Variants in RASSF8 observed in about 807,000 individuals in gnomAD.
RASSF8 encodes the protein ras association domain-containing protein 8.
A neutral mutation model predicts 48.5 loss-of-function variants in RASSF8; 22 were observed. The observed-to-expected ratio is 0.45, with a 90% CI of 0.32 to 0.65. The LOEUF (loss-of-function observed/expected upper bound fraction) is 0.65. RASSF8 is among the 30% of genes least tolerant of loss of function. The probability of loss-of-function intolerance (pLI) is 0.03; values close to 1 mark genes in which losing one functional copy is unlikely to be tolerated. For synonymous variants in RASSF8, 127 were observed against 171.5 expected (o/e 0.74, Z 2.03); for missense variants, 418 against 489.2 (o/e 0.85, Z 1.37).
intron 1 of RASSF8, among the ~76,000 whole-genome samples, chr12:25,981,051 C>T (rs892245365): frequency 1.3e-5 from 2 of 152,074 alleles, no homozygotes; most frequent in Admixed American, 1.3e-4. Flanking sequence ...AGTGTATGAT[C>T]AGGGTCGGAT....
In RASSF8 at chr12:26,055,307, C is replaced by T; in HGVS notation, c.-37C>T. The T allele has an allele frequency of 6.6e-7, 1 of 1,522,730 alleles. No homozygotes were observed. The highest frequency in any genetic ancestry group is 9.1e-7 in the Non-Finnish European group (1 of 1,096,760). 94.3% of individuals were successfully genotyped at this position (1,522,730 alleles called of 1,614,324 possible). On this transcript the variant is annotated 5_prime_UTR_variant, in exon 3 of 6. Transcript: ENST00000689635. ...GAGACATGACCTAACACCCTGATGA[C>T]CACTCTCAGGGACCTTGAGTGACTG... is the stretch of plus-strand genomic sequence containing the variant.
rs1230539060 is a variant in RASSF8, at chr12:26,068,809, A to G, written c.1251A>G (p.Ile417Met). The G allele has an allele frequency of 1.3e-6, 2 of 1,537,050 alleles. No individual in the cohort carries two copies. The highest frequency in any genetic ancestry group is 8.7e-7 in the Non-Finnish European group (1 of 1,146,744). ...CATCTGGTTTTAATCCTGAAGGCAT[A>G]TATGTATGACATTATCTGTCTTTAG... ...PISSGFNPEG[I>M]YV The change falls in exon 6 of 6, where the codon ATA becomes ATG. Residue 417 changes from isoleucine (I) to methionine (M), a missense_variant. Transcript: ENST00000689635.
At chr12:26,025,275 G>A (rs929827978) in intron 2 of RASSF8, among the ~76,000 whole-genome samples, 9 of 151,834 alleles carry the variant, frequency 5.9e-5, no homozygotes, top group African/African-American at 2.2e-4. Flanking sequence ...GAGGCATTCA[G>A]GGCCAGGCGT....
At chr12:26,048,411 AG>A (rs1338518368) in intron 2 of RASSF8, among the ~76,000 whole-genome samples, 1 of 152,060 alleles carries the variant, frequency 6.6e-6, no homozygotes, top group African/African-American at 2.4e-5. Flanking sequence ...GGTAGAGAGG[AG>A]GGGGAAAAAA....
At chr12:25,966,019 A>G (rs1941351968) in intron 1 of RASSF8, among the ~76,000 whole-genome samples, 1 of 152,212 alleles carries the variant, frequency 6.6e-6, no homozygotes, top group Non-Finnish European at 1.5e-5. Context: ...TTGTATAGAC[A>G]TATACTTTCA....
intron 1 of RASSF8, among the ~76,000 whole-genome samples, chr12:25,984,428 T>C (rs1453956904): frequency 1.3e-5 from 2 of 151,918 alleles, no homozygotes; most frequent in Non-Finnish European, 2.9e-5. Context: ...CTGCAACCTC[T>C]TCCTCCCCGG....
At chr12:26,012,472 T>A (rs1942549544) in intron 2 of RASSF8, among the ~76,000 whole-genome samples, 1 of 152,196 alleles carries the variant, frequency 6.6e-6, no homozygotes, top group Non-Finnish European at 1.5e-5. Flanking sequence ...AACAGCTTCC[T>A]GTGTTTCTGA....
chr12:25,967,982 C>T (rs1281388892), intron 1 of RASSF8, among the ~76,000 whole-genome samples: 2 of 152,232 alleles, frequency 1.3e-5, no homozygotes, highest in African/African-American at 2.4e-5. Context: ...TCCATCCTCT[C>T]TCCCGAATTC....
intron 4 of RASSF8, among the ~76,000 whole-genome samples, chr12:26,066,658 C>T (rs1943881923): frequency 6.6e-6 from 1 of 152,168 alleles, no homozygotes. Flanking sequence ...TAGCAAATCC[C>T]TCTACCCACT....
Position 26,069,370 on chromosome 12 carries a change from G to A in RASSF8, c.*552G>A, listed in dbSNP as rs1346905963. ...AAGCTAACTCCACAGGAAGCCACTT[G>A]CATTTGTTTTGTGAAACTGTCCTAG... On this transcript the variant is annotated 3_prime_UTR_variant, in exon 6 of 6. Coordinates refer to ENST00000689635, the MANE Select transcript of RASSF8 (RefSeq NM_001394098.1). The A allele has an allele frequency of 7.1e-6, 7 of 985,018 alleles. No individual in the cohort carries two copies. The highest frequency in any genetic ancestry group is 8.4e-6 in the Non-Finnish European group (7 of 829,556). The allele number at this position is 985,018 out of a possible 1,614,324, so 61.0% of individuals were successfully genotyped here. A position where few individuals can be genotyped will look rare whatever the true frequency, so the allele number is the denominator to read the frequency against.
At chr12:26,048,377 A>G (rs1351958780) in intron 2 of RASSF8, among the ~76,000 whole-genome samples, 1 of 152,172 alleles carries the variant, frequency 6.6e-6, no homozygotes. Flanking sequence ...TGACTTGGGA[A>G]GAAGAATATA....
chr12:25,968,819 A>C (rs1941417945), intron 1 of RASSF8, among the ~76,000 whole-genome samples: 1 of 152,264 alleles, frequency 6.6e-6, no homozygotes, highest in Non-Finnish European at 1.5e-5. Flanking sequence ...TTGGTGATAA[A>C]TGCTTTAGAG....
intron 3 of RASSF8, among the ~76,000 whole-genome samples, chr12:26,062,440 A>G (rs1204910872): frequency 6.6e-6 from 1 of 152,226 alleles, no homozygotes; most frequent in Non-Finnish European, 1.5e-5. Flanking sequence ...TTTCACAAAC[A>G]TATTTATATT....
chr12:26,000,325 GA>G (rs991952037), intron 2 of RASSF8, among the ~76,000 whole-genome samples: 1 of 152,038 alleles, frequency 6.6e-6, no homozygotes, highest in Non-Finnish European at 1.5e-5. Flanking sequence ...GGGCTTGGGA[GA>G]AAGAAGCTAC....
At chr12:25,961,788 G>A (rs779295267) in intron 1 of RASSF8, among the ~76,000 whole-genome samples, 19 of 152,038 alleles carry the variant, frequency 1.2e-4, no homozygotes, top group Non-Finnish European at 2.2e-4. Flanking sequence ...CTTTCAAACT[G>A]TTCCCCCTCC....
At chr12:26,011,624 A>G (rs1942527377) in intron 2 of RASSF8, 1 of 152,214 alleles carries the variant, frequency 6.6e-6, no homozygotes, top group South Asian at 2.1e-4. Context: ...TGATTAGGTC[A>G]TGGGGAGTCA....
intron 1 of RASSF8, among the ~76,000 whole-genome samples, chr12:25,974,213 A>G (rs1164492846): frequency 6.6e-6 from 1 of 152,004 alleles, no homozygotes; most frequent in Non-Finnish European, 1.5e-5. Context: ...ATTTTGGCTA[A>G]TATTAAACTG....
Position 26,064,485 on chromosome 12 carries a change from C to A in RASSF8, c.104-13C>A. The A allele has an allele frequency of 1.3e-6, 2 of 1,501,550 alleles. No homozygotes were observed. Among genetic ancestry groups the A allele is most frequent in the East Asian group, 2.3e-5 (1 of 43,252 alleles). The allele number at this position is 1,501,550 out of a possible 1,614,324, so 93.0% of individuals were successfully genotyped here. On this transcript the variant is annotated splice_polypyrimidine_tract_variant and intron_variant, in intron 3 of 5. Transcript: ENST00000689635. The stretch of plus-strand genomic sequence containing the variant: ...TCCCATTTTGACAAGTTATTCTTAC[C>A]TTTTTTACATAGGTCGAACTGGAAG...
chr12:26,005,029 T>C (rs1317956247), intron 2 of RASSF8, among the ~76,000 whole-genome samples: 1 of 152,004 alleles, frequency 6.6e-6, no homozygotes, highest in Non-Finnish European at 1.5e-5. Context: ...AAATGAAAAA[T>C]AAGGTTTCAT....
Sources: allele counts gnomAD v4.1 joint callset (sites outside exome capture counted in the v4.1 genomes callset), GRCh38; gene constraint gnomAD v4.1.1; transcripts MANE v1.5; gene names NCBI Gene and HGNC (gene_info 2026-07-23, HGNC 2026-07-21).